Variants in PRKN observed in about 807,000 individuals in gnomAD.
PRKN encodes E3 ubiquitin-protein ligase parkin.
A neutral mutation model predicts 59.5 loss-of-function variants in PRKN; 56 were observed. The ratio of observed to expected loss-of-function variants is 0.94; its 90% CI spans 0.76 to 1.18. The LOEUF (loss-of-function observed/expected upper bound fraction) is 1.18. Ranked by LOEUF, PRKN falls within the 50% of genes most tolerant of loss-of-function variation. The pLI is 0.00. For synonymous variants in PRKN, 250 were observed against 222.1 expected (o/e 1.13, Z -1.12); for missense variants, 657 against 596.4 (o/e 1.10, Z -1.06).
intron 1 of PRKN, among the ~76,000 whole-genome samples, chr6:162,716,049 T>C (rs1778708224): frequency 6.6e-6 from 1 of 152,220 alleles, no homozygotes; most frequent in Admixed American, 6.5e-5. Flanking sequence ...TAACTGTGAC[T>C]TCCTCATTTA....
At chr6:161,843,468 T>A (rs2128221068) in intron 6 of PRKN, among the ~76,000 whole-genome samples, 1 of 152,344 alleles carries the variant, frequency 6.6e-6, no homozygotes, top group South Asian at 2.1e-4. Context: ...CTTCTGCTTA[T>A]TTTGTTTGAA....
At chr6:162,571,881 G>A (rs949416343) in intron 1 of PRKN, among the ~76,000 whole-genome samples, 2 of 152,124 alleles carry the variant, frequency 1.3e-5, no homozygotes, top group Admixed American at 1.3e-4. Flanking sequence ...CCACAAATGT[G>A]AGACTCATTG....
intron 3 of PRKN, among the ~76,000 whole-genome samples, chr6:162,230,561 A>T (rs543165576): frequency 2.4e-4 from 36 of 152,364 alleles, no homozygotes; most frequent in Admixed American, 3.9e-4. Context: ...ACTGTTAGTC[A>T]GAACAATGTG....
At chr6:162,647,174 T>C (rs1435725328) in intron 1 of PRKN, among the ~76,000 whole-genome samples, 1 of 151,934 alleles carries the variant, frequency 6.6e-6, no homozygotes, top group Non-Finnish European at 1.5e-5. Context: ...AATAATAATA[T>C]AAATAATAAT....
intron 7 of PRKN, among the ~76,000 whole-genome samples, chr6:161,662,653 C>T (rs1355323868): frequency 7.4e-6 from 1 of 135,272 alleles, no homozygotes; most frequent in Non-Finnish European, 1.7e-5. Flanking sequence ...AGCAAAGTCT[C>T]TGACCACTTT....
chr6:162,044,689 A>C (rs1784188959), intron 5 of PRKN, among the ~76,000 whole-genome samples: 1 of 152,080 alleles, frequency 6.6e-6, no homozygotes, highest in Admixed American at 6.5e-5. Context: ...CATGAACCTT[A>C]ATTTTCTATT....
intron 5 of PRKN, among the ~76,000 whole-genome samples, chr6:161,990,621 T>C (rs1781609089): frequency 6.6e-6 from 1 of 151,906 alleles, no homozygotes; most frequent in Non-Finnish European, 1.5e-5. Flanking sequence ...AAAAATACAA[T>C]TGAGGGCTTC....
At chr6:162,375,624 A>G (rs1364959659) in intron 2 of PRKN, among the ~76,000 whole-genome samples, 1 of 152,040 alleles carries the variant, frequency 6.6e-6, no homozygotes, top group Non-Finnish European at 1.5e-5. Flanking sequence ...TCTGAAATAC[A>G]GAACACTTAT....
At chr6:162,338,422 C>T (rs994807579) in intron 2 of PRKN, among the ~76,000 whole-genome samples, 3 of 152,158 alleles carry the variant, frequency 2.0e-5, no homozygotes, top group Admixed American at 2.0e-4. Flanking sequence ...GCCGCCATGC[C>T]TGACTGGTTT....
chr6:162,254,225 G>A (rs1157918563), intron 3 of PRKN, among the ~76,000 whole-genome samples: 1 of 152,086 alleles, frequency 6.6e-6, no homozygotes. Context: ...CTGGGAGGCT[G>A]AGGTGGGCAG....
At chr6:161,597,305 G>C (rs1450010431) in intron 7 of PRKN, among the ~76,000 whole-genome samples, 1 of 152,132 alleles carries the variant, frequency 6.6e-6, no homozygotes, top group Non-Finnish European at 1.5e-5. Context: ...AGCTGGTCAG[G>C]TTTTCTGTTA....
At chr6:161,738,605 G>C (rs1788062756) in intron 7 of PRKN, among the ~76,000 whole-genome samples, 1 of 152,170 alleles carries the variant, frequency 6.6e-6, no homozygotes, top group Non-Finnish European at 1.5e-5. Context: ...TGCTGGAGAG[G>C]CATGGCTTTG....
chr6:161,968,123 C>T (rs935096251), intron 6 of PRKN, among the ~76,000 whole-genome samples: 5 of 151,494 alleles, frequency 3.3e-5, no homozygotes, highest in East Asian at 2.0e-4. Flanking sequence ...CGGGTTCAAG[C>T]GATTATCCTG....
intron 1 of PRKN, among the ~76,000 whole-genome samples, chr6:162,472,537 G>A (rs1278702236): frequency 3.3e-5 from 4 of 121,600 alleles, no homozygotes; most frequent in Non-Finnish European, 3.6e-5. Flanking sequence ...CCAGACTGCG[G>A]ACTGCAGTGG....
intron 6 of PRKN, among the ~76,000 whole-genome samples, chr6:161,835,799 CCT>C (rs946189258): frequency 2.0e-5 from 3 of 152,122 alleles, no homozygotes; most frequent in Admixed American, 1.3e-4. Flanking sequence ...ATGGGTGACC[CCT>C]GTCTCTCTAA....
At chr6:162,611,106 A>G (rs952852208) in intron 1 of PRKN, among the ~76,000 whole-genome samples, 2 of 152,202 alleles carry the variant, frequency 1.3e-5, no homozygotes, top group African/African-American at 4.8e-5. Flanking sequence ...TGTAATATCT[A>G]TTGGCAAAGG....
chr6:161,652,805 G>A (rs895748384), intron 7 of PRKN, among the ~76,000 whole-genome samples: 3 of 152,270 alleles, frequency 2.0e-5, no homozygotes, highest in Admixed American at 6.5e-5. Flanking sequence ...TTAAGAGGAG[G>A]TGGCAAAGCA....
chr6:162,659,222 A>T (rs867817883), intron 1 of PRKN, among the ~76,000 whole-genome samples: 6 of 152,134 alleles, frequency 3.9e-5, no homozygotes, highest in Non-Finnish European at 7.4e-5. Flanking sequence ...TTTACACTTT[A>T]TGCCTTTTTT....
chr6:161,736,542 G>A (rs148362827), intron 7 of PRKN, among the ~76,000 whole-genome samples: 2 of 152,148 alleles, frequency 1.3e-5, no homozygotes, highest in African/African-American at 4.8e-5. Flanking sequence ...CTTACCGGGG[G>A]CCATCCCCAG....
Sources: gnomAD v4.1 joint callset for allele counts (sites outside exome capture counted in the v4.1 genomes callset) on GRCh38, gnomAD v4.1.1 for gene constraint, MANE v1.5 for transcripts, NCBI Gene and HGNC (gene_info 2026-07-23, HGNC 2026-07-21) for gene names.